The following ERCC6 variants were observed in gnomAD, a reference collection of about 807,000 sequenced individuals.
ERCC6 encodes the protein DNA excision repair protein ERCC-6.
Under a neutral mutation model 158.7 loss-of-function variants are expected in ERCC6, and 116 were observed. The observed-to-expected ratio is 0.73, with a 90% CI of 0.63 to 0.85. The LOEUF (loss-of-function observed/expected upper bound fraction) is 0.85. ERCC6 is among the 40% of genes least tolerant of loss of function. The probability of loss-of-function intolerance (pLI) is 0.00; values close to 1 mark genes in which losing one functional copy is unlikely to be tolerated. For missense variants in ERCC6, 1,698 were observed against 1,799.4 expected (o/e 0.94, Z 1.02); for synonymous variants, 678 against 659.3 (o/e 1.03, Z -0.43).
At chr10:49,535,318 CAT>C (rs1837571284) in intron 1 of ERCC6, among the ~76,000 whole-genome samples, 1 of 152,204 alleles carries the variant, frequency 6.6e-6, no homozygotes, top group African/African-American at 2.4e-5. Context: ...GTCTGGGTGA[CAT>C]GTGGACACAT....
chr10:49,500,990 C>A, intron 6 of ERCC6: 1 of 341,672 alleles, frequency 2.9e-6, no homozygotes. Context: ...AAATAGCTTG[C>A]TAAACAAGCA....
chr10:49,489,975 CA>C (rs1851144216), intron 8 of ERCC6, among the ~76,000 whole-genome samples: 3 of 151,988 alleles, frequency 2.0e-5, no homozygotes. Flanking sequence ...GTTGTTTTAA[CA>C]AATAAATATT....
At chr10:49,527,307 G>T (rs1315592962) in intron 4 of ERCC6, among the ~76,000 whole-genome samples, 3 of 152,166 alleles carry the variant, frequency 2.0e-5, no homozygotes, top group African/African-American at 7.2e-5. Flanking sequence ...TGTTATCAAT[G>T]AGAAACATAG....
Position 49,490,244 on chromosome 10 carries a change from G to C in ERCC6, c.1821+2873C>G, listed in dbSNP as rs573370438. ...AGAGACTATTAACAAAGATAACATAGGATCAAAGGGTGAGAGAGGTGGGAA... is the reference window on the plus strand; with the variant it reads ...AGAGACTATTAACAAAGATAACATACGATCAAAGGGTGAGAGAGGTGGGAA... On this transcript the variant is annotated intron_variant, in intron 8 of 20. Transcript: ENST00000355832. Among the ~76,000 whole-genome samples, 4 of 152,140 alleles carry C rather than the reference G, an allele frequency of 2.6e-5. No individual in the cohort carries two copies. The South Asian group carries it at 6.2e-4, about 24-fold the overall frequency.
intron 6 of ERCC6, chr10:49,502,812 C>T (rs538211580): frequency 3.9e-5 from 6 of 152,228 alleles, no homozygotes; most frequent in Non-Finnish European, 8.8e-5. Context: ...CAGGACAGTC[C>T]CCACAGCAAC....
Position 49,478,468 on chromosome 10 carries a change from G to T in ERCC6, c.2172C>A (p.Val724=). The T allele has an allele frequency of 6.3e-7, 1 of 1,592,632 alleles. No homozygotes were observed. Among genetic ancestry groups the T allele is most frequent in the South Asian group, 1.1e-5 (1 of 90,636 alleles). ...GGYSNASPVQ[V]KTAYKCACVL... is the part of the protein sequence containing the mutation. ...CACATGCACACTTGTAAGCAGTTTT[G>T]ACCTTTAATAAGAGCAGAGAAGGGA... The change falls in exon 11 of 21, where the codon GTC becomes GTA. Residue 724 remains valine, a splice_region_variant and synonymous_variant. Coordinates refer to ENST00000355832, the MANE Select transcript of ERCC6 (RefSeq NM_000124.4).
At chr10:49,476,031 A>G (rs1181082431) in intron 12 of ERCC6, among the ~76,000 whole-genome samples, 184 bp downstream of exon 12, 1 of 151,888 alleles carries the variant, frequency 6.6e-6, no homozygotes, top group Admixed American at 6.6e-5. Flanking sequence ...CCAGTTACCT[A>G]CTCCTCTGCA....
intron 18 of ERCC6, among the ~76,000 whole-genome samples, chr10:49,463,674 G>T (rs1850622794): frequency 6.6e-6 from 1 of 152,206 alleles, no homozygotes; most frequent in Admixed American, 6.5e-5. Context: ...GAGGAACCCA[G>T]TGGGAGGTGA....
chr10:49,532,842 C>T lies in ERCC6; in HGVS notation c.123G>A (p.Val41=). The T allele has an allele frequency of 6.2e-7, 1 of 1,614,232 alleles. No individual in the cohort carries two copies. The highest frequency in any genetic ancestry group is 8.5e-7 in the Non-Finnish European group (1 of 1,180,034). Reference sequence around the variant, plus strand: ...CAGAACGAAAGGAGAGGTACTCCTCCACCTCCCCATCACCACCACTTTCTT... The same window carrying T: ...CAGAACGAAAGGAGAGGTACTCCTCTACCTCCCCATCACCACCACTTTCTT... ...IKQESGGDGE[V]EEYLSFRSVG... The change falls in exon 2 of 21, where the codon GTG becomes GTA. Residue 41 remains valine, a synonymous_variant. Transcript: ENST00000355832.
At chr10:49,515,424 C>T (rs781113329) in intron 5 of ERCC6, 3 of 1,614,160 alleles carry the variant, frequency 1.9e-6, no homozygotes, top group South Asian at 1.1e-5. Flanking sequence ...ACATTCAGCG[C>T]ATCGCGTTTG....
intron 8 of ERCC6, 142 bp downstream of exon 8, chr10:49,492,975 T>C (rs1590428256): frequency 1.2e-6 from 1 of 830,158 alleles, no homozygotes; most frequent in Non-Finnish European, 1.9e-6. Context: ...CTAAAGTAAG[T>C]CAATAATAAT....
At chr10:49,461,647 C>A (rs748886593) in intron 18 of ERCC6, 91 bp from the exon 19 acceptor site, 181 of 1,302,314 alleles carry the variant, frequency 1.4e-4, no homozygotes, top group Non-Finnish European at 1.8e-4. Flanking sequence ...CTGTAGTAGA[C>A]AAAAACAAAG....
intron 12 of ERCC6, among the ~76,000 whole-genome samples, chr10:49,474,925 A>T (rs560268924): frequency 6.6e-6 from 1 of 152,376 alleles, no homozygotes; most frequent in East Asian, 1.9e-4. Context: ...TTCAAATCAA[A>T]CTCACTGGTC....
intron 20 of ERCC6, 189 bp downstream of exon 20, chr10:49,460,184 C>T: frequency 3.1e-6 from 2 of 638,362 alleles, no homozygotes; most frequent in South Asian, 3.7e-5. Context: ...AAGACTTTGT[C>T]TTTAGGAAAT....
At chr10:49,536,025 A>G (rs1837588396) in intron 1 of ERCC6, among the ~76,000 whole-genome samples, 1 of 152,234 alleles carries the variant, frequency 6.6e-6, no homozygotes, top group South Asian at 2.1e-4. Context: ...CTGAGGCACG[A>G]GAATCGCTTG....
chr10:49,439,591 GCTC>G, the ERCC6 span, among the ~76,000 whole-genome samples: 1 of 152,154 alleles, frequency 6.6e-6, no homozygotes, highest in Non-Finnish European at 1.5e-5. Flanking sequence ...CTGACATTTG[GCTC>G]CTCGTTACTT....
intron 8 of ERCC6, among the ~76,000 whole-genome samples, chr10:49,484,263 A>G (rs113074110): frequency 0.027 from 4,006 of 148,186 alleles, 197 homozygotes; most frequent in African/African-American, 0.093. Flanking sequence ...CCTGGGTGAC[A>G]GTCAGACTCT....
chr10:49,452,576 T>C (rs1322692421), downstream of ERCC6, among the ~76,000 whole-genome samples: 10 of 152,136 alleles, frequency 6.6e-5, no homozygotes, highest in Non-Finnish European at 1.2e-4. Context: ...AAGTGTTCTA[T>C]AGATGTCTGT....
the ERCC6 span, among the ~76,000 whole-genome samples, chr10:49,437,048 AT>A: frequency 6.6e-6 from 1 of 152,278 alleles, no homozygotes; most frequent in East Asian, 1.9e-4. Context: ...TGATTGAATC[AT>A]GGGGGGTGGT....
Sources: gnomAD v4.1 joint callset for allele counts (sites outside exome capture counted in the v4.1 genomes callset) on GRCh38, gnomAD v4.1.1 for gene constraint, MANE v1.5 for transcripts, NCBI Gene and HGNC (gene_info 2026-07-23, HGNC 2026-07-21) for gene names.